Variants in KCNQ2 observed in about 807,000 individuals in gnomAD.
The protein encoded by KCNQ2 is potassium voltage-gated channel subfamily KQT member 2.
KCNQ2 carries 14 observed loss-of-function variants against 84.8 expected under a neutral mutation model. The ratio of observed to expected loss-of-function variants is 0.17; its 90% CI spans 0.11 to 0.26. The LOEUF is 0.26. Among genes scored for constraint, KCNQ2 ranks in the 10% least tolerant of loss-of-function variants. KCNQ2 has a pLI of 1.00. For synonymous variants in KCNQ2, 599 were observed against 554.1 expected, an observed-to-expected ratio of 1.08 and a Z score of -1.14; for missense variants, 788 against 1,254.0, an observed-to-expected ratio of 0.63 and a Z score of 5.61.
At chr20:63,447,634 G>A (rs947598391) in intron 1 of KCNQ2, among the ~76,000 whole-genome samples, 12 of 149,352 alleles carry the variant, frequency 8.0e-5, no homozygotes, top group East Asian at 1.9e-4. Flanking sequence ...TTCACTTGTC[G>A]CGCAGGCTGG....
intron 15 of KCNQ2, chr20:63,411,924 C>T (rs968073955): frequency 8.5e-6 from 6 of 709,296 alleles, no homozygotes; most frequent in African/African-American, 3.5e-5. Context: ...CGAAACGCAT[C>T]GTAAAGCCAC....
chr20:63,443,224 CCACCAT>C (rs1341322763), intron 4 of KCNQ2, among the ~76,000 whole-genome samples: 2 of 121,438 alleles, frequency 1.6e-5, no homozygotes, highest in Non-Finnish European at 3.5e-5. Flanking sequence ...ACCATGATCA[CCACCAT>C]CACCATCACC....
Position 63,407,191 on chromosome 20 carries a change from C to G in KCNQ2, c.2072G>C (p.Arg691Pro), listed in dbSNP as rs773194884. The G allele has an allele frequency of 1.3e-5, 21 of 1,605,822 alleles. No homozygotes were observed. The highest frequency in any genetic ancestry group is 1.8e-5 in the Non-Finnish European group (21 of 1,179,156). ...CTTCTGGCCCGTGGAGCTGCTGGAGCGCACGATCTTGACAATGCAGCCGTG... is the reference window on the plus strand; with the variant it reads ...CTTCTGGCCCGTGGAGCTGCTGGAGGGCACGATCTTGACAATGCAGCCGTG... ...DRHGCIVKIV[R>P]SSSSTGQKNF... The change falls in exon 17 of 17, where the codon CGC (arginine) becomes CCC (proline). Residue 691 changes from arginine (R) to proline (P), a missense_variant. This residue lies in a region of KCNQ2 where 378 missense variants were observed against 434.5 expected (regional missense o/e 0.87). Transcript: ENST00000359125. This position sits in a 1 kb window ranked among gnomAD's most constrained non-coding sequence, Gnocchi z 7.2.
At chr20:63,442,701 T>A (rs202133311) in intron 4 of KCNQ2, among the ~76,000 whole-genome samples, 170 bp from the exon 5 acceptor site, 1 of 48,128 alleles carries the variant, frequency 2.1e-5, no homozygotes, top group Non-Finnish European at 4.2e-5. Context: ...ATCACCACCA[T>A]CACCATCACC....
rs560329692 is a variant in KCNQ2, at chr20:63,440,687, G to A, written c.817-979C>T. Among the ~76,000 whole-genome samples the A allele has an allele frequency of 3.3e-5, 5 of 152,322 alleles. No homozygotes were observed. The East Asian group carries it at 5.8e-4, about 18-fold the overall frequency. On this transcript the variant is annotated intron_variant, in intron 5 of 16. Transcript: ENST00000359125. The stretch of plus-strand genomic sequence containing the variant: ...CCTTGGGGAGTTTACCCTGGGTTCC[G>A]AGGACGCTGCTGTGTGGTCTGAGGA...
In KCNQ2 at chr20:63,470,388, T is replaced by A. The variant is rs188338153; in HGVS notation, c.296+1780A>T. 2.2e-4 allele frequency among the ~76,000 whole-genome samples: 33 copies of A among 152,242 alleles called. No individual in the cohort carries two copies. The East Asian group carries it at 6.0e-3, about 28-fold the overall frequency. On this transcript the variant is annotated intron_variant, in intron 1 of 16. Transcript: ENST00000359125. ...TATCTTAGAGGGGGCCCGTCCGGAC[T>A]GGGGGTGGTCAGGAAGAGACGGCTC... is the stretch of plus-strand genomic sequence containing the variant.
At chr20:63,411,414 A>T (rs1462077389) in intron 15 of KCNQ2, among the ~76,000 whole-genome samples, 1 of 152,168 alleles carries the variant, frequency 6.6e-6, no homozygotes, top group African/African-American at 2.4e-5. Context: ...TCCAGGGGGC[A>T]CGGGCAGGGC....
chr20:63,442,621 C>T lies in KCNQ2; in HGVS notation c.691-90G>A, dbSNP rs552176510. 6.4e-4 allele frequency: 898 copies of T among 1,399,530 alleles called. 19 individuals are homozygous for T. The South Asian group carries it at 9.4e-3, about 15-fold the overall frequency. The allele number at this position is 1,399,530 out of a possible 1,614,324, so 86.7% of individuals were successfully genotyped here. ...AACACCACCACCATCACATCAACACCATGACCACCATCACCACCACCAAAA... is the reference window on the plus strand; with the variant it reads ...AACACCACCACCATCACATCAACACTATGACCACCATCACCACCACCAAAA... On this transcript the variant is annotated intron_variant, in intron 4 of 16. Coordinates refer to ENST00000359125, the MANE Select transcript of KCNQ2 (RefSeq NM_172107.4).
rs566717638 is a variant in KCNQ2, at chr20:63,445,587, C to T, written c.388-223G>A. 8 of 598,210 alleles carry T rather than the reference C, an allele frequency of 1.3e-5. No homozygotes were observed. In the East Asian group the frequency reaches 2.2e-4, roughly 17 times the overall value. 37.1% of individuals were successfully genotyped at this position (598,210 alleles called of 1,614,324 possible). The stretch of plus-strand genomic sequence containing the variant: ...CCGGGAACACAGCTGAGCATGAACA[C>T]CATGGGGCCACCCTCCCCACCTCCC... On this transcript the variant is annotated intron_variant, in intron 2 of 16. Transcript: ENST00000359125.
chr20:63,413,250 TG>T, intron 15 of KCNQ2, 199 bp downstream of exon 15: 2 of 613,436 alleles, frequency 3.3e-6, no homozygotes, highest in Non-Finnish European at 5.9e-6. Flanking sequence ...GCGGTGTGGA[TG>T]GGGGAGAGAT....
chr20:63,444,562 C>T, intron 4 of KCNQ2, 97 bp downstream of exon 4: 2 of 1,072,330 alleles, frequency 1.9e-6, no homozygotes, highest in Non-Finnish European at 2.5e-6. Context: ...CCACCCAGGG[C>T]TCTTGAAGCA....
chr20:63,413,172 T>C, intron 15 of KCNQ2: 1 of 493,704 alleles, frequency 2.0e-6, no homozygotes, highest in Non-Finnish European at 3.9e-6. Context: ...ATGCGTGACT[T>C]ACACACACAC....
In KCNQ2 at chr20:63,460,596, C is replaced by T. The variant is rs576083378; in HGVS notation, c.296+11572G>A. On this transcript the variant is annotated intron_variant, in intron 1 of 16. Coordinates refer to ENST00000359125, the MANE Select transcript of KCNQ2 (RefSeq NM_172107.4). The surrounding 1 kb of genome is among the most constrained non-coding windows in gnomAD (Gnocchi z 5.4). ...CTCTCGGCCTCCACTTGCACACCTCCGGCGACGGAGGGCTCACCCCACAGA... is the reference window on the plus strand; with the variant it reads ...CTCTCGGCCTCCACTTGCACACCTCTGGCGACGGAGGGCTCACCCCACAGA... Among the ~76,000 whole-genome samples the T allele has an allele frequency of 3.2e-4, 48 of 152,292 alleles. No homozygotes were observed. The highest frequency in any genetic ancestry group is 3.4e-3 in the Middle Eastern group (1 of 294).
intron 4 of KCNQ2, among the ~76,000 whole-genome samples, chr20:63,442,964 A>G (rs867842216): frequency 1.8e-5 from 2 of 109,738 alleles, no homozygotes; most frequent in East Asian, 2.8e-4. Context: ...CACCATCACC[A>G]CCACCACCAC....
At chr20:63,447,893 G>A (rs6010937) in intron 1 of KCNQ2, among the ~76,000 whole-genome samples, 52 of 152,270 alleles carry the variant, frequency 3.4e-4, no homozygotes, top group African/African-American at 1.2e-3. Flanking sequence ...TACCATGCTC[G>A]GCCCAAATGC....
intron 1 of KCNQ2, among the ~76,000 whole-genome samples, chr20:63,464,431 T>G (rs574468835): frequency 6.6e-6 from 1 of 152,162 alleles, no homozygotes; most frequent in Admixed American, 6.5e-5. Flanking sequence ...AGAAGGGACA[T>G]GAAGCTCTGT....
chr20:63,419,468 G>A, intron 12 of KCNQ2, 151 bp downstream of exon 12: 1 of 727,048 alleles, frequency 1.4e-6, no homozygotes, highest in South Asian at 1.7e-5. Flanking sequence ...GGCTAGAATA[G>A]AGGGAGCTGA....
rs976641912 is a variant in KCNQ2, at chr20:63,406,535, G to A, written c.*109C>T. 80 of 1,323,500 alleles carry A rather than the reference G, an allele frequency of 6.0e-5. No homozygotes were observed. Among genetic ancestry groups the A allele is most frequent in the South Asian group, 1.8e-4 (12 of 65,334 alleles). The allele number at this position is 1,323,500 out of a possible 1,614,324, so 82.0% of individuals were successfully genotyped here. A position where few individuals can be genotyped will look rare whatever the true frequency, so the allele number is the denominator to read the frequency against. On this transcript the variant is annotated 3_prime_UTR_variant, in exon 17 of 17. Coordinates refer to ENST00000359125, the MANE Select transcript of KCNQ2 (RefSeq NM_172107.4). ...GGCCCCTCCAGGGCCCACCCTTCCC[G>A]CCACACTCAGTTACTGTAAGAAAAG...
rs1380900788 is a variant in KCNQ2, at chr20:63,443,363, AC to A, written c.691-833del. 3.4e-5 allele frequency among the ~76,000 whole-genome samples: 5 copies of A among 146,174 alleles called. No individual in the cohort carries two copies. In the East Asian group the frequency reaches 9.9e-4, roughly 29 times the overall value. ...CACCATCACCACCACCACCACCATC[AC>A]CATCATCACCACCATCATCACCACC... On this transcript the variant is annotated intron_variant, in intron 4 of 16. Coordinates refer to ENST00000359125, the MANE Select transcript of KCNQ2 (RefSeq NM_172107.4).
Sources: allele counts gnomAD v4.1 joint callset (sites outside exome capture counted in the v4.1 genomes callset), GRCh38; gene constraint gnomAD v4.1.1; regional missense constraint gnomAD v4.1.1; non-coding constraint Gnocchi (gnomAD v3.1); transcripts MANE v1.5; gene names NCBI Gene and HGNC (gene_info 2026-07-23, HGNC 2026-07-21).